SPART: variants seen among roughly 807,000 people sequenced by gnomAD.
The protein encoded by SPART is spartin.
SPART carries 35 observed loss-of-function variants against 58.7 expected under a neutral mutation model. The ratio of observed to expected loss-of-function variants is 0.60; its 90% CI spans 0.46 to 0.79. SPART has a LOEUF of 0.79. SPART is among the 30% of genes least tolerant of loss of function. SPART has a pLI of 0.00. For synonymous variants in SPART, 284 were observed against 280.7 expected, an observed-to-expected ratio of 1.01 and a Z score of -0.12; for missense variants, 730 against 786.1, an observed-to-expected ratio of 0.93 and a Z score of 0.85.
intron 1 of SPART, 71 bp from the exon 2 acceptor site, chr13:36,335,903 G>T: frequency 8.1e-7 from 1 of 1,227,860 alleles, no homozygotes; most frequent in Non-Finnish European, 1.2e-6. Flanking sequence ...TCTCCTACCT[G>T]AATATATTTT....
rs1218127730 is a variant in SPART at position 36,335,737 on chromosome 13, T to G, written c.94A>C (p.Asn32His). ...KAFLFVNKGL[N>H]TDELGQKEEA... ...TCCTTCTGACCTAATTCATCTGTAT[T>G]CAGACCTTTGTTAACAAATAAAAAG... Residue 32 changes from asparagine (N) to histidine (H), a missense_variant, in exon 2 of 9, where the codon AAT becomes CAT. Physicochemically the swap from Asn to His is moderately conservative, Grantham distance 68 (BLOSUM62 1). Coordinates refer to ENST00000438666, the MANE Select transcript of SPART (RefSeq NM_015087.5). 1.2e-6 allele frequency: 2 copies of G among 1,614,116 alleles called. No individual in the cohort carries two copies. Among genetic ancestry groups the G allele is most frequent in the East Asian group, 4.5e-5 (2 of 44,890 alleles).
intron 1 of SPART, among the ~76,000 whole-genome samples, chr13:36,366,691 C>G (rs559009991): frequency 1.3e-5 from 2 of 152,272 alleles, no homozygotes; most frequent in African/African-American, 2.4e-5. Context: ...AATACCCCTC[C>G]CTCTGTCTCT....
intron 5 of SPART, among the ~76,000 whole-genome samples, chr13:36,316,587 A>C (rs201809525): frequency 0.24 from 36,135 of 151,404 alleles, 4,757 homozygotes; most frequent in East Asian, 0.51. Context: ...CTCCTACCTG[A>C]CAGAGAACAA....
At chr13:36,323,847 G>A (rs2137438716) in intron 5 of SPART, among the ~76,000 whole-genome samples, 1 of 152,274 alleles carries the variant, frequency 6.6e-6, no homozygotes, top group South Asian at 2.1e-4. Flanking sequence ...GAATAAAAAG[G>A]AAAAGAGGTA....
At chr13:36,336,829 A>T (rs1166786155) in intron 1 of SPART, among the ~76,000 whole-genome samples, 2 of 152,220 alleles carry the variant, frequency 1.3e-5, no homozygotes, top group Non-Finnish European at 2.9e-5. Context: ...CAGAAAAAAA[A>T]TTTTAAACCT....
Position 36,302,679 on chromosome 13 carries a change from C to T in SPART, c.*1686G>A, listed in dbSNP as rs932843231. ...CATGAGATATTTTGATACAGGTATG[C>T]GATTTATAATAATTACATCAGGGTG... On this transcript the variant is annotated 3_prime_UTR_variant, in exon 9 of 9. Coordinates refer to ENST00000438666, the MANE Select transcript of SPART (RefSeq NM_015087.5). 6 of 151,974 alleles carry T rather than the reference C, an allele frequency of 3.9e-5. No homozygotes were observed. The highest frequency in any genetic ancestry group is 2.1e-4 in the South Asian group (1 of 4,822). 9.4% of individuals were successfully genotyped at this position (151,974 alleles called of 1,614,324 possible). A position where few individuals can be genotyped will look rare whatever the true frequency, so the allele number is the denominator to read the frequency against.
chr13:36,329,753 G>A (rs1335533701), intron 3 of SPART, among the ~76,000 whole-genome samples: 1 of 152,128 alleles, frequency 6.6e-6, no homozygotes, highest in Non-Finnish European at 1.5e-5. Context: ...AAAAGACAAC[G>A]TGTAAAAGAC....
Position 36,364,736 on chromosome 13 carries a change from A to G in SPART, c.-3+5353T>C, listed in dbSNP as rs544179221. 7.2e-5 allele frequency among the ~76,000 whole-genome samples: 11 copies of G among 152,332 alleles called. No individual in the cohort carries two copies. The South Asian group carries it at 1.2e-3, about 17-fold the overall frequency. On this transcript the variant is annotated intron_variant, in intron 1 of 8. Coordinates refer to the SPART transcript ENST00000355182. Reference sequence around the variant, plus strand: ...CATAATCTATCTGTCTTTGAGATCAATGCTATTCTTCTTGCCGTTTTACAG... The same window carrying G: ...CATAATCTATCTGTCTTTGAGATCAGTGCTATTCTTCTTGCCGTTTTACAG...
intron 1 of SPART, among the ~76,000 whole-genome samples, chr13:36,361,139 C>T (rs1485399287): frequency 2.0e-5 from 3 of 152,136 alleles, no homozygotes; most frequent in Non-Finnish European, 4.4e-5. Flanking sequence ...TGGAAGCAAA[C>T]CAACTTATAT....
At chr13:36,368,427 A>G in intron 1 of SPART, 1 of 161,208 alleles carries the variant, frequency 6.2e-6, no homozygotes, top group Non-Finnish European at 1.4e-5. Flanking sequence ...TCCAGCCAAT[A>G]TATTATTACC....
chr13:36,346,689 C>T (rs955427174), upstream of SPART: 1 of 150,210 alleles, frequency 6.7e-6, no homozygotes, highest in Non-Finnish European at 1.5e-5. Context: ...CAGAGAACCT[C>T]GCGAGTCAGC....
At chr13:36,311,448 T>C (rs960847206) in intron 8 of SPART, among the ~76,000 whole-genome samples, 2 of 152,212 alleles carry the variant, frequency 1.3e-5, no homozygotes, top group Non-Finnish European at 2.9e-5. Flanking sequence ...TGTGACATAA[T>C]TTTTAACAGT....
intron 5 of SPART, among the ~76,000 whole-genome samples, chr13:36,325,052 C>T (rs1882783626): frequency 6.6e-6 from 1 of 152,192 alleles, no homozygotes; most frequent in African/African-American, 2.4e-5. Context: ...TGTGATTCTT[C>T]AGTTACTTCA....
At chr13:36,329,225 T>G in intron 4 of SPART, 137 bp downstream of exon 4, 1 of 887,154 alleles carries the variant, frequency 1.1e-6, no homozygotes, top group Non-Finnish European at 1.9e-6. Context: ...TCTAATTGTT[T>G]TTGCCAGTGA....
chr13:36,369,075 A>G (rs920094713), intron 1 of SPART, among the ~76,000 whole-genome samples: 1 of 152,252 alleles, frequency 6.6e-6, no homozygotes, highest in Non-Finnish European at 1.5e-5. Context: ...CAAAAATTAA[A>G]TCAGCTATTG....
chr13:36,357,374 C>T (rs930606861), intron 1 of SPART, among the ~76,000 whole-genome samples: 3 of 152,110 alleles, frequency 2.0e-5, no homozygotes, highest in African/African-American at 7.2e-5. Context: ...GGTACAGAGG[C>T]GAGTTGTTGG....
At chr13:36,323,764 G>A (rs554350935) in intron 5 of SPART, among the ~76,000 whole-genome samples, 142 of 152,180 alleles carry the variant, frequency 9.3e-4, no homozygotes, top group Middle Eastern at 3.4e-3. Context: ...AGACATATAC[G>A]CTGATAGGCA....
At chr13:36,327,442 G>C (rs1175107862) in intron 4 of SPART, among the ~76,000 whole-genome samples, 2 of 152,128 alleles carry the variant, frequency 1.3e-5, no homozygotes, top group Admixed American at 6.5e-5. Flanking sequence ...TCACCCATAA[G>C]TAAAATCTAA....
At position 36,342,096 on chromosome 13, in the gene SPART, T is replaced by C. The variant is rs545930678; in HGVS notation, c.-3+4129A>G. On this transcript the variant is annotated intron_variant, in intron 1 of 8. Coordinates refer to ENST00000438666, the MANE Select transcript of SPART (RefSeq NM_015087.5). ...TTGTCCAAATGACTTGAACAGGGTC[T>C]TGAACAACACTGTGACTTGGCACCC... is the stretch of plus-strand genomic sequence containing the variant. 7.2e-5 allele frequency among the ~76,000 whole-genome samples: 11 copies of C among 152,326 alleles called. No homozygotes were observed. The East Asian group carries it at 1.9e-3, about 27-fold the overall frequency.
Sources: allele counts gnomAD v4.1 joint callset (sites outside exome capture counted in the v4.1 genomes callset), GRCh38; gene constraint gnomAD v4.1.1; transcripts MANE v1.5; gene names NCBI Gene and HGNC (gene_info 2026-07-23, HGNC 2026-07-21).